Variants in PIAS2 observed in about 807,000 individuals in gnomAD.
The protein encoded by PIAS2 is E3 SUMO-protein ligase PIAS2.
In PIAS2, 19 loss-of-function variants were observed where a neutral mutation model predicts 69.7. That is an observed-to-expected ratio of 0.27 (90% CI 0.19 to 0.40). The LOEUF is 0.40. Among genes scored for constraint, PIAS2 ranks in the 10% least tolerant of loss-of-function variants. PIAS2 has a pLI of 1.00. For synonymous variants in PIAS2, 261 were observed against 263.2 expected, an observed-to-expected ratio of 0.99 and a Z score of 0.08; for missense variants, 624 against 757.0, an observed-to-expected ratio of 0.82 and a Z score of 2.06.
At chr18:46,908,442 A>G (rs2056879012) in intron 1 of PIAS2, among the ~76,000 whole-genome samples, 1 of 152,172 alleles carries the variant, frequency 6.6e-6, no homozygotes, top group Non-Finnish European at 1.5e-5. Context: ...TGATGGAACA[A>G]TTTATTATTC....
chr18:46,842,700 C>CTT (rs1473911938), intron 8 of PIAS2, among the ~76,000 whole-genome samples: 3 of 152,102 alleles, frequency 2.0e-5, no homozygotes, highest in Non-Finnish European at 4.4e-5. Context: ...CCTGAAGATA[C>CTT]TGAAAAGAAC....
At chr18:46,835,082 A>G (rs987331301) in intron 9 of PIAS2, among the ~76,000 whole-genome samples, 5 of 152,248 alleles carry the variant, frequency 3.3e-5, no homozygotes, top group Admixed American at 1.3e-4. Context: ...TCAAGAATTT[A>G]GTAAACACAT....
intron 2 of PIAS2, among the ~76,000 whole-genome samples, chr18:46,890,025 C>T (rs1445835756): frequency 6.6e-6 from 1 of 152,166 alleles, no homozygotes; most frequent in African/African-American, 2.4e-5. Context: ...GAAAGAAATT[C>T]TAACATAAAC....
At chr18:46,850,241 C>T (rs1239186227) in intron 5 of PIAS2, among the ~76,000 whole-genome samples, 1 of 152,164 alleles carries the variant, frequency 6.6e-6, no homozygotes, top group Non-Finnish European at 1.5e-5. Context: ...GATACATTTT[C>T]TATTTTCTCC....
intron 12 of PIAS2, among the ~76,000 whole-genome samples, chr18:46,818,755 T>C (rs1164174154): frequency 6.6e-6 from 1 of 152,070 alleles, no homozygotes; most frequent in East Asian, 1.9e-4. Context: ...TAAAGCAAAA[T>C]AGATCCTATT....
At chr18:46,876,864 ATT>A (rs960271548) in intron 2 of PIAS2, among the ~76,000 whole-genome samples, 1 of 150,916 alleles carries the variant, frequency 6.6e-6, no homozygotes, top group South Asian at 2.1e-4. Flanking sequence ...GCCCAGCTAA[ATT>A]TTTTTTTGTA....
At chr18:46,836,733 G>C (rs2145103743) in intron 8 of PIAS2, among the ~76,000 whole-genome samples, 1 of 152,164 alleles carries the variant, frequency 6.6e-6, no homozygotes, top group African/African-American at 2.4e-5. Context: ...TTTCAAAACG[G>C]GTTAACATGT....
chr18:46,915,708 C>T (rs1266118918), intron 1 of PIAS2: 1 of 151,352 alleles, frequency 6.6e-6, no homozygotes, highest in African/African-American at 2.4e-5. Flanking sequence ...TCTATAAGAG[C>T]GAGTAAATTC....
At chr18:46,905,661 A>T (rs1348066346) in intron 1 of PIAS2, 1 of 152,156 alleles carries the variant, frequency 6.6e-6, no homozygotes, top group East Asian at 1.9e-4. Context: ...CAAAGAAGAG[A>T]TTAACAACTA....
chr18:46,829,221 T>C (rs1477039584), intron 10 of PIAS2, among the ~76,000 whole-genome samples: 3 of 152,184 alleles, frequency 2.0e-5, no homozygotes, highest in African/African-American at 7.2e-5. Flanking sequence ...ATGCAGGCAG[T>C]TGATGGATGA....
chr18:46,813,274 ATCT>A (rs1244360350), intron 13 of PIAS2, among the ~76,000 whole-genome samples: 2 of 152,116 alleles, frequency 1.3e-5, no homozygotes, highest in Admixed American at 1.3e-4. Context: ...ATCTAACCTA[ATCT>A]TCTCGTGATG....
chr18:46,902,659 G>C (rs769996626), intron 1 of PIAS2, among the ~76,000 whole-genome samples: 1 of 152,060 alleles, frequency 6.6e-6, no homozygotes, highest in East Asian at 1.9e-4. Context: ...CCGATATATA[G>C]GTTTAACATA....
At chr18:46,907,037 A>G (rs1021633723) in intron 1 of PIAS2, among the ~76,000 whole-genome samples, 13 of 152,176 alleles carry the variant, frequency 8.5e-5, no homozygotes, top group Admixed American at 7.8e-4. Flanking sequence ...CTCTGAAAAG[A>G]AGGAGAGCCT....
intron 12 of PIAS2, among the ~76,000 whole-genome samples, chr18:46,819,793 A>G (rs929953211): frequency 2.0e-5 from 3 of 152,180 alleles, no homozygotes; most frequent in Non-Finnish European, 4.4e-5. Flanking sequence ...TATAATTGAC[A>G]GAAATGTCTG....
At chr18:46,813,221 T>C (rs1317790994) in intron 13 of PIAS2, among the ~76,000 whole-genome samples, 1 of 152,126 alleles carries the variant, frequency 6.6e-6, no homozygotes, top group Non-Finnish European at 1.5e-5. Context: ...GACAGAAAAT[T>C]ATCTCAGGTA....
intron 2 of PIAS2, among the ~76,000 whole-genome samples, chr18:46,870,659 T>A (rs2050221898): frequency 6.9e-6 from 1 of 145,842 alleles, no homozygotes; most frequent in Non-Finnish European, 1.5e-5. Flanking sequence ...CTCGAGTCAT[T>A]ATTAGATGAC....
intron 2 of PIAS2, among the ~76,000 whole-genome samples, chr18:46,871,869 C>G (rs766000066): frequency 5.9e-5 from 9 of 152,176 alleles, no homozygotes; most frequent in Non-Finnish European, 1.0e-4. Flanking sequence ...TAGGTATAGG[C>G]CTACATGTCA....
At position 46,917,335 on chromosome 18, in the gene PIAS2, A is replaced by C; in HGVS notation, c.11T>G (p.Phe4Cys). ...ACTCCCGCTTACCCTCAACTCTTCG[A>C]AATCCGCCATTTTATACCACCCGCG... MAD[F>C]EELRNMVSSF... The change falls in exon 1 of 14, where the codon TTC becomes TGC. Residue 4 changes from phenylalanine (F) to cysteine (C), a missense_variant. Coordinates refer to ENST00000585916, the MANE Select transcript of PIAS2 (RefSeq NM_004671.5). The C allele has an allele frequency of 6.8e-7, 1 of 1,476,710 alleles. No individual in the cohort carries two copies. The highest frequency in any genetic ancestry group is 1.3e-5 in the South Asian group (1 of 78,284). 91.5% of individuals were successfully genotyped at this position (1,476,710 alleles called of 1,614,324 possible). A position where few individuals can be genotyped will look rare whatever the true frequency, so the allele number is the denominator to read the frequency against.
At chr18:46,819,064 T>C (rs562199921) in intron 12 of PIAS2, among the ~76,000 whole-genome samples, 4 of 152,226 alleles carry the variant, frequency 2.6e-5, no homozygotes, top group East Asian at 3.9e-4. Flanking sequence ...GGGCAAGTGA[T>C]TGGTAAATTG....
Sources: allele counts gnomAD v4.1 joint callset (sites outside exome capture counted in the v4.1 genomes callset), GRCh38; gene constraint gnomAD v4.1.1; transcripts MANE v1.5; gene names NCBI Gene and HGNC (gene_info 2026-07-23, HGNC 2026-07-21).